The following CLEC12A variants were observed in gnomAD, a reference collection of about 807,000 sequenced individuals.
The protein encoded by CLEC12A is C-type lectin protein CLL-1.
In CLEC12A, 22 loss-of-function variants were observed where a neutral mutation model predicts 26.5. The observed-to-expected ratio is 0.83, with a 90% CI of 0.59 to 1.19. The LOEUF (loss-of-function observed/expected upper bound fraction) is 1.19. CLEC12A is among the 50% of genes most tolerant of loss of function. CLEC12A has a pLI of 0.00. For synonymous variants in CLEC12A, 119 were observed against 101.9 expected (o/e 1.17, Z -1.01); for missense variants, 353 against 315.6 (o/e 1.12, Z -0.90).
intron 4 of CLEC12A, chr12:9,992,865 A>G (rs1864924331): frequency 3.1e-6 from 1 of 324,148 alleles, no homozygotes; most frequent in East Asian, 5.2e-5. Context: ...CTGAAGATGC[A>G]GTAAATCATA....
At chr12:9,956,264 A>C (rs1176149572) in intron 1 of CLEC12A, among the ~76,000 whole-genome samples, 1 of 152,204 alleles carries the variant, frequency 6.6e-6, no homozygotes, top group Non-Finnish European at 1.5e-5. Context: ...CTATAATTTG[A>C]ATTAACCTTT....
downstream of CLEC12A, among the ~76,000 whole-genome samples, chr12:9,986,926 T>G (rs1864780581): frequency 6.6e-6 from 1 of 152,222 alleles, no homozygotes; most frequent in African/African-American, 2.4e-5. Context: ...AGTTAAAGTC[T>G]TAGTAAAATA....
chr12:9,998,914 G>A (rs1865118782), downstream of CLEC12A: 1 of 607,852 alleles, frequency 1.6e-6, no homozygotes, highest in South Asian at 2.5e-5. Flanking sequence ...ATGCTTTAGA[G>A]CATTAACATC....
chr12:9,967,621 G>A (rs1200880906), upstream of CLEC12A, among the ~76,000 whole-genome samples: 4 of 151,968 alleles, frequency 2.6e-5, no homozygotes, highest in Non-Finnish European at 5.9e-5. Flanking sequence ...GGGGTTGGGG[G>A]TTCTTGCCCC....
downstream of CLEC12A, among the ~76,000 whole-genome samples, chr12:9,989,202 G>A (rs1213740976): frequency 6.9e-4 from 103 of 148,564 alleles, no homozygotes; most frequent in African/African-American, 2.2e-3. Flanking sequence ...ATCACACACC[G>A]GGGCCTGTTG....
chr12:9,989,496 T>C (rs1042707299), downstream of CLEC12A, among the ~76,000 whole-genome samples: 4 of 152,346 alleles, frequency 2.6e-5, no homozygotes, highest in Non-Finnish European at 4.4e-5. Flanking sequence ...AACGTTCTCT[T>C]AAGTCAAAGC....
chr12:9,962,935 T>G lies in CLEC12A; in HGVS notation c.11-8642T>G, dbSNP rs141491996. ...ATTTTGGGGGCTTGGTATGGAGAGA[T>G]AACGGGCGATATTTCTCAGGGCTGC... On this transcript the variant is annotated intron_variant, in intron 1 of 6. Coordinates refer to the CLEC12A transcript ENST00000355690. Among the ~76,000 whole-genome samples the G allele has an allele frequency of 2.5e-3, 380 of 152,174 alleles. 4 individuals are homozygous for G. The highest frequency in any genetic ancestry group is 8.7e-3 in the African/African-American group (363 of 41,498).
chr12:9,997,206 G>C, downstream of CLEC12A: 1 of 1,613,968 alleles, frequency 6.2e-7, no homozygotes. Flanking sequence ...ATTGACAGAA[G>C]CGCTTTGCTA....
rs1591848864 is a variant in CLEC12A, at chr12:9,994,953, G to C, written n.1005-65G>C. ...AAAGGTGGATTGTGGCTTAGATAAA[G>C]AGCAAAGTAATGGGAGAGAGGGGAA... On this transcript the variant is annotated intron_variant and non_coding_transcript_variant, in intron 4 of 4. Coordinates refer to the CLEC12A transcript ENST00000449959. 3 of 1,452,288 alleles carry C rather than the reference G, an allele frequency of 2.1e-6. No homozygotes were observed. In the East Asian group the frequency reaches 8.4e-5, roughly 41 times the overall value. The allele number at this position is 1,452,288 out of a possible 1,614,324, so 90.0% of individuals were successfully genotyped here.
chr12:9,995,093 TAA>T (rs764494234), exon 5 of CLEC12A: 3 of 1,604,806 alleles, frequency 1.9e-6, no homozygotes, highest in South Asian at 1.1e-5. Context: ...ATCTCAAGAA[TAA>T]GAGTTTCCAG....
chr12:9,974,549 A>T (rs1040552007), intron 1 of CLEC12A, among the ~76,000 whole-genome samples: 8 of 152,154 alleles, frequency 5.3e-5, no homozygotes, highest in Non-Finnish European at 1.0e-4. Flanking sequence ...TTCTTCTAAA[A>T]TTGTCTCTCT....
upstream of CLEC12A, among the ~76,000 whole-genome samples, chr12:9,971,065 G>C (rs140879172): frequency 6.0e-3 from 907 of 152,180 alleles, 14 homozygotes; most frequent in African/African-American, 0.02. Context: ...CAGTCTCCCA[G>C]TGAAGAGAAC....
intron 1 of CLEC12A, among the ~76,000 whole-genome samples, chr12:9,957,760 G>C (rs1232704426): frequency 2.0e-5 from 3 of 152,224 alleles, no homozygotes; most frequent in African/African-American, 7.2e-5. Context: ...TACCTGTGAA[G>C]ATAAGCTATC....
chr12:9,996,952 T>C (rs201410731), downstream of CLEC12A: 8 of 1,613,994 alleles, frequency 5.0e-6, no homozygotes, highest in Non-Finnish European at 6.8e-6. Flanking sequence ...ATAGCAGCTA[T>C]CTCCATAATA....
exon 5 of CLEC12A, chr12:9,995,152 A>C: frequency 6.2e-7 from 1 of 1,612,800 alleles, no homozygotes; most frequent in Non-Finnish European, 8.5e-7. Context: ...ATTTTCTGAG[A>C]TAACCGAGCC....
intron 1 of CLEC12A, among the ~76,000 whole-genome samples, chr12:9,960,469 C>T (rs1863810852): frequency 6.6e-6 from 1 of 152,082 alleles, no homozygotes; most frequent in Non-Finnish European, 1.5e-5. Flanking sequence ...TGGCCTAAAA[C>T]GTTGTTCTAA....
chr12:9,989,515 G>C (rs1864848009), downstream of CLEC12A, among the ~76,000 whole-genome samples: 1 of 152,192 alleles, frequency 6.6e-6, no homozygotes, highest in Non-Finnish European at 1.5e-5. Flanking sequence ...GCCTAATCCA[G>C]AGCAAGGCCC....
chr12:9,982,605 G>A lies in CLEC12A; in HGVS notation c.641+476G>A, dbSNP rs1591835952. 2.0e-5 allele frequency among the ~76,000 whole-genome samples: 3 copies of A among 152,098 alleles called. No homozygotes were observed. In the South Asian group the frequency reaches 6.2e-4, roughly 32 times the overall value. ...CTAACAAAACATAAATTTTTGCAAT[G>A]ATACTTTTGTTATAAATGACACTTC... On this transcript the variant is annotated intron_variant, in intron 5 of 5. Transcript: ENST00000304361.
At chr12:9,962,253 C>G (rs376923559) in intron 1 of CLEC12A, among the ~76,000 whole-genome samples, 1 of 119,228 alleles carries the variant, frequency 8.4e-6, no homozygotes, top group African/African-American at 3.1e-5. Flanking sequence ...CCGGTTTTTT[C>G]TTTTTTTTTT....
Sources: allele counts gnomAD v4.1 joint callset (sites outside exome capture counted in the v4.1 genomes callset), GRCh38; gene constraint gnomAD v4.1.1; transcripts MANE v1.5; gene names NCBI Gene and HGNC (gene_info 2026-07-23, HGNC 2026-07-21).